The following ARHGAP44 variants were observed in gnomAD, a reference collection of about 807,000 sequenced individuals.
ARHGAP44 encodes rho GTPase-activating protein 44.
ARHGAP44 carries 43 observed loss-of-function variants against 106.8 expected under a neutral mutation model. That is an observed-to-expected ratio of 0.40 (90% CI 0.32 to 0.52). ARHGAP44 has a LOEUF of 0.52. Among genes scored for constraint, ARHGAP44 ranks in the 20% least tolerant of loss-of-function variants. ARHGAP44 has a pLI of 0.48. For missense variants in ARHGAP44, 866 were observed against 1,050.5 expected, an observed-to-expected ratio of 0.82 and a Z score of 2.43; for synonymous variants, 439 against 410.3, an observed-to-expected ratio of 1.07 and a Z score of -0.85.
In ARHGAP44 at chr17:12,810,092, G is replaced by A. The variant is rs80345620; in HGVS notation, c.53+20201G>A. ...GGAATGGCCTGTGGGGCATTAGAAA[G>A]TACTAGATGTTGTGGAAGTAAAGGG... On this transcript the variant is annotated intron_variant, in intron 1 of 20. Transcript: ENST00000379672. 5.0e-3 allele frequency among the ~76,000 whole-genome samples: 729 copies of A among 146,544 alleles called. 29 individuals carry two copies. In the East Asian group the frequency reaches 0.092, roughly 18 times the overall value.
At chr17:12,908,819 A>G (rs971631278) in intron 3 of ARHGAP44, 78 bp from the exon 4 acceptor site, 2 of 1,150,954 alleles carry the variant, frequency 1.7e-6, no homozygotes, top group South Asian at 1.3e-5. Flanking sequence ...CTTGGCAAGT[A>G]TTTGACTTTT....
intron 18 of ARHGAP44, among the ~76,000 whole-genome samples, chr17:12,975,609 T>G (rs887457229): frequency 6.6e-6 from 1 of 151,708 alleles, no homozygotes; most frequent in Non-Finnish European, 1.5e-5. Context: ...CCATCCTGGC[T>G]AACACGGTGA....
rs1231144229 is a variant in ARHGAP44 at position 12,974,303 on chromosome 17, C to T, written c.1756C>T (p.Arg586Cys). 1 of 1,430,810 alleles carries T rather than the reference C, an allele frequency of 7.0e-7. No individual in the cohort carries two copies. The highest frequency in any genetic ancestry group is 9.1e-7 in the Non-Finnish European group (1 of 1,099,722). 88.6% of individuals were successfully genotyped at this position (1,430,810 alleles called of 1,614,324 possible). ...CCTGGGCCTCCAGCCTGGGCCCGAG[C>T]GCACCAGGTAAGCGCGGGCCACTGC... The part of the protein sequence containing the change: ...SGLGLQPGPE[R>C]TSTTKSKELS... The change falls in exon 18 of 21, where the codon CGC becomes TGC. Residue 586 changes from arginine to cysteine, a missense_variant. Arg to Cys is a radical substitution (Grantham distance 180). Transcript: ENST00000379672.
chr17:12,880,487 G>A (rs991697647), intron 1 of ARHGAP44, among the ~76,000 whole-genome samples: 5 of 152,026 alleles, frequency 3.3e-5, no homozygotes, highest in Admixed American at 1.3e-4. Context: ...AATGGTTATC[G>A]TAATTTAAGT....
chr17:12,990,180 C>T lies in ARHGAP44; in HGVS notation c.*9C>T, dbSNP rs373835228. 2.8e-5 allele frequency: 45 copies of T among 1,609,706 alleles called. No homozygotes were observed. The highest frequency in any genetic ancestry group is 5.0e-5 in the Admixed American group (3 of 59,912). On this transcript the variant is annotated 3_prime_UTR_variant, in exon 21 of 21. Coordinates refer to ENST00000379672, the MANE Select transcript of ARHGAP44 (RefSeq NM_014859.6). ...AGAGCACCGCCCTCTGACATGACACCGCCCATCCTGCCTCGCGTGTACATA... is the reference window on the plus strand; with the variant it reads ...AGAGCACCGCCCTCTGACATGACACTGCCCATCCTGCCTCGCGTGTACATA...
rs541977226 is a variant in ARHGAP44 at position 12,815,551 on chromosome 17, A to G, written c.53+25660A>G. Among the ~76,000 whole-genome samples, 5 of 152,324 alleles carry G rather than the reference A, an allele frequency of 3.3e-5. No homozygotes were observed. In the South Asian group the frequency reaches 1.0e-3, roughly 32 times the overall value. ...TAGATTTTTAAACTATTATGAAATT[A>G]GAGCCCCCATGACTCCATTTTACAG... On this transcript the variant is annotated intron_variant, in intron 1 of 20. Coordinates refer to ENST00000379672, the MANE Select transcript of ARHGAP44 (RefSeq NM_014859.6).
intron 7 of ARHGAP44, among the ~76,000 whole-genome samples, chr17:12,938,596 A>AG (rs2038618326): frequency 1.3e-5 from 2 of 151,616 alleles, no homozygotes; most frequent in African/African-American, 4.8e-5. Context: ...AAAAAAAAAA[A>AG]AAAAAAACAG....
chr17:12,859,205 C>A (rs1168032603), intron 1 of ARHGAP44, among the ~76,000 whole-genome samples: 1 of 152,132 alleles, frequency 6.6e-6, no homozygotes, highest in Admixed American at 6.5e-5. Context: ...ATGCCATCTA[C>A]GAGCCAAGGA....
At chr17:12,864,393 C>T (rs1036609246) in intron 1 of ARHGAP44, among the ~76,000 whole-genome samples, 9 of 151,994 alleles carry the variant, frequency 5.9e-5, no homozygotes, top group Non-Finnish European at 2.9e-5. Flanking sequence ...TATTTGATAC[C>T]GTCAACCACA....
At chr17:12,802,965 ATATATT>A (rs1165157331) in intron 1 of ARHGAP44, among the ~76,000 whole-genome samples, 98 of 26,910 alleles carry the variant, frequency 3.6e-3, no homozygotes, top group Admixed American at 6.3e-3. Flanking sequence ...ATATATATAT[ATATATT>A]TTTTTTTTTT....
At chr17:12,916,107 T>G in intron 5 of ARHGAP44, 96 bp downstream of exon 5, 1 of 961,618 alleles carries the variant, frequency 1.0e-6, no homozygotes, top group Admixed American at 2.4e-5. Context: ...CTTCTTTCCC[T>G]TAACCTTCTC....
intron 1 of ARHGAP44, among the ~76,000 whole-genome samples, chr17:12,823,226 A>C (rs886106087): frequency 2.4e-4 from 37 of 152,136 alleles, no homozygotes; most frequent in African/African-American, 8.4e-4. Flanking sequence ...TTCTGCCTGC[A>C]GCTGAGTTGG....
intron 1 of ARHGAP44, among the ~76,000 whole-genome samples, chr17:12,865,419 A>G (rs1474396243): frequency 2.0e-5 from 3 of 152,216 alleles, no homozygotes; most frequent in Non-Finnish European, 4.4e-5. Flanking sequence ...TTACTTGTGT[A>G]ATTTCACTGG....
chr17:12,939,320 G>A (rs2038640942), intron 7 of ARHGAP44, among the ~76,000 whole-genome samples: 1 of 152,062 alleles, frequency 6.6e-6, no homozygotes, highest in Non-Finnish European at 1.5e-5. Context: ...GAGACAGTGG[G>A]TAACAGACAG....
At position 12,902,082 on chromosome 17, in the gene ARHGAP44, C is replaced by T. The variant is rs113987075; in HGVS notation, c.198+5571C>T. 1.1e-3 allele frequency among the ~76,000 whole-genome samples: 173 copies of T among 152,342 alleles called. 2 individuals are homozygous for T. The highest frequency in any genetic ancestry group is 2.9e-3 in the African/African-American group (119 of 41,572). On this transcript the variant is annotated intron_variant, in intron 3 of 20. Transcript: ENST00000379672. ...TAAATTGGAAATCCAGTAACTCACT[C>T]TCCTGCCTAATCCTGCTCCGGGATT...
At chr17:12,953,193 C>T (rs2039040725) in intron 13 of ARHGAP44, among the ~76,000 whole-genome samples, 1 of 152,136 alleles carries the variant, frequency 6.6e-6, no homozygotes, top group South Asian at 2.1e-4. Context: ...AGTGCTCCCC[C>T]ATTCCCGAGC....
intron 1 of ARHGAP44, among the ~76,000 whole-genome samples, chr17:12,792,336 T>A (rs559696720): frequency 4.3e-4 from 65 of 152,242 alleles, no homozygotes; most frequent in Non-Finnish European, 8.2e-4. Context: ...TTTTATTTTT[T>A]ATTTTCTTGT....
In ARHGAP44 at chr17:12,841,863, A is replaced by G. The variant is rs116466873; in HGVS notation, c.53+51972A>G. Among the ~76,000 whole-genome samples, 603 of 152,238 alleles carry G rather than the reference A, an allele frequency of 4.0e-3. 7 individuals carry two copies. Among genetic ancestry groups the G allele is most frequent in the African/African-American group, 0.014 (584 of 41,536 alleles). ...TCTTAAAATAAAAGAATTTTTAAAA[A>G]TTGTTCGGGGTTTGCAAATTTTTCA... On this transcript the variant is annotated intron_variant, in intron 1 of 20. Coordinates refer to ENST00000379672, the MANE Select transcript of ARHGAP44 (RefSeq NM_014859.6).
At chr17:12,823,728 A>G (rs1037618018) in intron 1 of ARHGAP44, among the ~76,000 whole-genome samples, 2 of 152,182 alleles carry the variant, frequency 1.3e-5, no homozygotes, top group African/African-American at 2.4e-5. Context: ...ATCTCTTGAT[A>G]CTTCTCCTTA....
Sources: allele counts gnomAD v4.1 joint callset (sites outside exome capture counted in the v4.1 genomes callset), GRCh38; gene constraint gnomAD v4.1.1; transcripts MANE v1.5; gene names NCBI Gene and HGNC (gene_info 2026-07-23, HGNC 2026-07-21).